Variants in DZIP3 observed in about 807,000 individuals in gnomAD.
DZIP3 encodes the protein DAZ interacting zinc finger protein 3, also known as E3 ubiquitin-protein ligase DZIP3.
DZIP3 carries 118 observed loss-of-function variants against 162.0 expected under a neutral mutation model. The ratio of observed to expected loss-of-function variants is 0.73; its 90% CI spans 0.63 to 0.85. The LOEUF (loss-of-function observed/expected upper bound fraction) is 0.85, where lower values mean the gene tolerates loss of function less well. DZIP3 is among the 40% of genes least tolerant of loss of function. The pLI, the probability that DZIP3 is intolerant of heterozygous loss-of-function variation, is 0.00. For synonymous variants in DZIP3, 438 were observed against 458.6 expected (o/e 0.96, Z 0.57); for missense variants, 1,331 against 1,407.0 (o/e 0.95, Z 0.86).
At chr3:108,604,653 C>A (rs565983451) in intron 1 of DZIP3, among the ~76,000 whole-genome samples, 24 of 152,244 alleles carry the variant, frequency 1.6e-4, no homozygotes, top group African/African-American at 5.8e-4. Context: ...TCTTTACATC[C>A]TGTGTCTTCT....
intron 7 of DZIP3, among the ~76,000 whole-genome samples, chr3:108,628,211 C>A (rs1260915364): frequency 1.3e-5 from 2 of 152,152 alleles, no homozygotes; most frequent in Non-Finnish European, 2.9e-5. Flanking sequence ...AGGGCATCAT[C>A]TTTTGAGACA....
intron 17 of DZIP3, among the ~76,000 whole-genome samples, chr3:108,649,902 G>C (rs1185347693): frequency 1.3e-5 from 2 of 151,634 alleles, no homozygotes; most frequent in Non-Finnish European, 1.5e-5. Flanking sequence ...ATTTTTTAAA[G>C]ACATGAGTAT....
At chr3:108,647,805 C>T in intron 15 of DZIP3, 138 bp from the exon 16 acceptor site, 1 of 664,580 alleles carries the variant, frequency 1.5e-6, no homozygotes, top group South Asian at 2.5e-5. Context: ...ATCACATTTT[C>T]ATCGAGTAAT....
chr3:108,682,067 T>TA (rs1458086260), intron 26 of DZIP3, among the ~76,000 whole-genome samples: 2 of 149,798 alleles, frequency 1.3e-5, no homozygotes, highest in African/African-American at 5.1e-5. Context: ...TCCCAGAACT[T>TA]AAAGTATAAT....
chr3:108,630,270 CT>C (rs1941772272), intron 8 of DZIP3, among the ~76,000 whole-genome samples: 1 of 151,962 alleles, frequency 6.6e-6, no homozygotes, highest in Admixed American at 6.6e-5. Flanking sequence ...AATGACATAT[CT>C]TTTTCAAAAC....
At chr3:108,618,262 A>G (rs894153329) in intron 5 of DZIP3, among the ~76,000 whole-genome samples, 2 of 152,188 alleles carry the variant, frequency 1.3e-5, no homozygotes, top group Admixed American at 1.3e-4. Context: ...GCATTACCAC[A>G]ATTCTGCATC....
chr3:108,615,277 T>C (rs897952180), intron 4 of DZIP3, among the ~76,000 whole-genome samples: 1 of 152,198 alleles, frequency 6.6e-6, no homozygotes, highest in East Asian at 1.9e-4. Flanking sequence ...GTTATTCTCA[T>C]TGGGAGACTG....
At chr3:108,620,642 C>T (rs1941282618) in intron 5 of DZIP3, among the ~76,000 whole-genome samples, 1 of 152,208 alleles carries the variant, frequency 6.6e-6, no homozygotes, top group African/African-American at 2.4e-5. Context: ...CTACAATTCA[C>T]TGATCCCTAA....
At chr3:108,634,296 C>T (rs1942038580) in intron 9 of DZIP3, among the ~76,000 whole-genome samples, 1 of 152,098 alleles carries the variant, frequency 6.6e-6, no homozygotes, top group Non-Finnish European at 1.5e-5. Context: ...AAATGAACAA[C>T]AGCATGCAGC....
At chr3:108,618,097 T>C (rs1353568044) in intron 5 of DZIP3, among the ~76,000 whole-genome samples, 1 of 152,154 alleles carries the variant, frequency 6.6e-6, no homozygotes, top group Non-Finnish European at 1.5e-5. Flanking sequence ...ATTATGGGGG[T>C]GCAGTTGCGA....
chr3:108,649,162 A>T (rs551394083), intron 17 of DZIP3, among the ~76,000 whole-genome samples, 200 bp downstream of exon 17: 1 of 152,026 alleles, frequency 6.6e-6, no homozygotes, highest in East Asian at 1.9e-4. Context: ...TTCATACTTC[A>T]CGTCCTTAAA....
Position 108,684,244 on chromosome 3 carries a change from T to C in DZIP3, c.2912T>C (p.Val971Ala). ...LMQQFLGRPL[V>A]KESFFRPILT... ...CAGCAGTTCTTAGGAAGACCTCTTG[T>C]GAAAGAATCTTTCTTTAGACCCATA... Residue 971 changes from valine (V) to alanine (A), a missense_variant, in exon 27 of 33, where the codon GTG becomes GCG. Around this residue, in one of 2 missense-constraint regions of DZIP3, gnomAD observed 1,278 missense variants for 1,317.1 expected, o/e 0.97. Coordinates refer to ENST00000361582, the MANE Select transcript of DZIP3 (RefSeq NM_014648.4). 1 of 1,612,564 alleles carries C rather than the reference T, an allele frequency of 6.2e-7. No homozygotes were observed. The highest frequency in any genetic ancestry group is 8.5e-7 in the Non-Finnish European group (1 of 1,179,010).
Position 108,618,550 on chromosome 3 carries a change from C to T in DZIP3, c.375+1893C>T, listed in dbSNP as rs184817535. Reference sequence around the variant, plus strand: ...TAGATTCTATGGTCTGAACTACTGCCTCTTCAGGGATGAGAATTTTAAGGT... The same window carrying T: ...TAGATTCTATGGTCTGAACTACTGCTTCTTCAGGGATGAGAATTTTAAGGT... On this transcript the variant is annotated intron_variant, in intron 5 of 32. Coordinates refer to ENST00000361582, the MANE Select transcript of DZIP3 (RefSeq NM_014648.4). Among the ~76,000 whole-genome samples, 196 of 152,188 alleles carry T rather than the reference C, an allele frequency of 1.3e-3. 1 individual carries two copies. The Middle Eastern group carries it at 0.014, about 11-fold the overall frequency.
At chr3:108,630,982 A>G (rs954388935) in intron 8 of DZIP3, among the ~76,000 whole-genome samples, 36 of 143,860 alleles carry the variant, frequency 2.5e-4, no homozygotes, top group African/African-American at 7.8e-4. Flanking sequence ...GTGAAAAATG[A>G]GAGTTTAGCT....
At chr3:108,616,513 A>G (rs1015858230) in intron 4 of DZIP3, 28 bp from the exon 5 acceptor site, 1 of 1,455,774 alleles carries the variant, frequency 6.9e-7, no homozygotes, top group Non-Finnish European at 9.6e-7. Context: ...AGACTTATAG[A>G]CATTTTTAAC....
intron 7 of DZIP3, 48 bp downstream of exon 7, chr3:108,626,017 T>C (rs770672624): frequency 6.3e-7 from 1 of 1,592,174 alleles, no homozygotes; most frequent in East Asian, 2.3e-5. Context: ...AGTCTCAGCA[T>C]TGTGAAATGG....
At chr3:108,662,708 A>G (rs915038919) in intron 21 of DZIP3, among the ~76,000 whole-genome samples, 1 of 152,246 alleles carries the variant, frequency 6.6e-6, no homozygotes, top group Middle Eastern at 3.4e-3. Flanking sequence ...TTTGACTGGG[A>G]GAGACTCTTT....
In DZIP3 at chr3:108,634,902, G is replaced by T; in HGVS notation, c.848G>T (p.Cys283Phe). The T allele has an allele frequency of 6.2e-7, 1 of 1,608,586 alleles. No homozygotes were observed. Among genetic ancestry groups the T allele is most frequent in the Non-Finnish European group, 8.5e-7 (1 of 1,177,274 alleles). The part of the protein sequence containing the change: ...GFFQLMCSKS[C>F]CVYFHKICWK... Reference sequence around the variant, plus strand: ...TTTCAGTTAATGTGCAGTAAAAGTTGCTGTGTTTATTTCCATAAAATTTGC... The same window carrying T: ...TTTCAGTTAATGTGCAGTAAAAGTTTCTGTGTTTATTTCCATAAAATTTGC... The change falls in exon 10 of 33, where the codon TGC (cysteine) becomes TTC (phenylalanine). Residue 283 changes from cysteine (C) to phenylalanine (F), a missense_variant. Coordinates refer to ENST00000361582, the MANE Select transcript of DZIP3 (RefSeq NM_014648.4).
chr3:108,646,699 A>T (rs201314786), intron 15 of DZIP3, 50 bp downstream of exon 15: 637 of 1,294,826 alleles, frequency 4.9e-4, no homozygotes, highest in Non-Finnish European at 6.4e-4. Context: ...AACAAGGGAT[A>T]CCTATGAAAT....
Sources: allele counts gnomAD v4.1 joint callset (sites outside exome capture counted in the v4.1 genomes callset), GRCh38; gene constraint gnomAD v4.1.1; regional missense constraint gnomAD v4.1.1; transcripts MANE v1.5; gene names NCBI Gene and HGNC (gene_info 2026-07-23, HGNC 2026-07-21).